Variants in NFX1 observed in about 807,000 individuals in gnomAD.
The protein encoded by NFX1 is nuclear transcription factor, X-box binding 1, also known as transcriptional repressor NF-X1.
A neutral mutation model predicts 137.2 loss-of-function variants in NFX1; 69 were observed. The observed-to-expected ratio is 0.50, with a 90% confidence interval of 0.41 to 0.61. NFX1 has a LOEUF of 0.61. Among genes scored for constraint, NFX1 ranks in the 20% least tolerant of loss-of-function variants. The pLI, the probability that NFX1 is intolerant of heterozygous loss-of-function variation, is 0.00. For missense variants in NFX1, 1,167 were observed against 1,391.0 expected (o/e 0.84, Z 2.56); for synonymous variants, 495 against 474.1 (o/e 1.04, Z -0.57).
chr9:33,298,596 A>C (rs1821441881), intron 2 of NFX1, among the ~76,000 whole-genome samples: 1 of 152,178 alleles, frequency 6.6e-6, no homozygotes, highest in Non-Finnish European at 1.5e-5. Flanking sequence ...TGGACAACTT[A>C]ATGAGACCCC....
rs373353689 is a variant in NFX1 at position 33,290,590 on chromosome 9, T to G, written c.18T>G (p.Pro6=). The G allele has an allele frequency of 6.2e-7, 1 of 1,613,864 alleles. No individual in the cohort carries two copies. The highest frequency in any genetic ancestry group is 8.5e-7 in the Non-Finnish European group (1 of 1,179,928). MAEAP[P]VSGTFKFNTD... ...GGCACGGGATGGCGGAGGCGCCTCC[T>G]GTCTCAGGTATTGTCCCGGCCCGAG... Residue 6 remains proline (P), a synonymous_variant, in exon 1 of 24, where the codon CCT becomes CCG. Transcript: ENST00000379540.
chr9:33,310,417 A>G (rs1821920877), intron 5 of NFX1, among the ~76,000 whole-genome samples: 1 of 152,206 alleles, frequency 6.6e-6, no homozygotes, highest in Non-Finnish European at 1.5e-5. Flanking sequence ...AGAGGGCAGT[A>G]TATATTTGAA....
At chr9:33,333,130 G>A (rs1822873123) in intron 11 of NFX1, among the ~76,000 whole-genome samples, 1 of 151,810 alleles carries the variant, frequency 6.6e-6, no homozygotes, top group Admixed American at 6.5e-5. Flanking sequence ...ACAGGCATGA[G>A]TCACCACACC....
At chr9:33,341,044 C>T (rs1489679182) in intron 12 of NFX1, among the ~76,000 whole-genome samples, 1 of 152,236 alleles carries the variant, frequency 6.6e-6, no homozygotes, top group African/African-American at 2.4e-5. Flanking sequence ...TCCAAAGTCA[C>T]TTCCACATTT....
chr9:33,291,213 C>G (rs1821148912), intron 1 of NFX1, among the ~76,000 whole-genome samples: 2 of 152,216 alleles, frequency 1.3e-5, no homozygotes, highest in South Asian at 4.1e-4. Flanking sequence ...ATATAACATC[C>G]ATTTCCTCAG....
At chr9:33,319,965 C>CT (rs796293415) in intron 9 of NFX1, among the ~76,000 whole-genome samples, 2,223 of 140,174 alleles carry the variant, frequency 0.016, 39 homozygotes, top group African/African-American at 0.042. Flanking sequence ...CTTTTCTTTT[C>CT]TTTTTTTTTT....
chr9:33,325,398 T>G (rs1201200929), intron 9 of NFX1, among the ~76,000 whole-genome samples: 1 of 135,682 alleles, frequency 7.4e-6, no homozygotes, highest in Non-Finnish European at 1.6e-5. Context: ...GCGCGGTGGC[T>G]CACGCCTGTA....
At chr9:33,317,973 C>CAA (rs5897542) in intron 7 of NFX1, among the ~76,000 whole-genome samples, 5,705 of 44,256 alleles carry the variant, frequency 0.13, 1,673 homozygotes, top group African/African-American at 0.23. Context: ...GACTCTGTCT[C>CAA]AAAAAAAAAA....
intron 10 of NFX1, among the ~76,000 whole-genome samples, chr9:33,330,167 G>C (rs1230567946): frequency 6.6e-6 from 1 of 152,180 alleles, no homozygotes; most frequent in South Asian, 2.1e-4. Context: ...AACACACTGA[G>C]TGTTGATTTA....
At chr9:33,368,808 G>C (rs1231230804) in intron 23 of NFX1, among the ~76,000 whole-genome samples, 1 of 152,150 alleles carries the variant, frequency 6.6e-6, no homozygotes, top group Non-Finnish European at 1.5e-5. Context: ...TGTTCCTGTG[G>C]GACTGGACAA....
chr9:33,304,488 A>G (rs1260489082), intron 4 of NFX1, among the ~76,000 whole-genome samples: 2 of 152,190 alleles, frequency 1.3e-5, no homozygotes, highest in African/African-American at 4.8e-5. Flanking sequence ...TTACTTAGCT[A>G]GCAGCTTTCA....
intron 11 of NFX1, among the ~76,000 whole-genome samples, chr9:33,337,722 C>G (rs551932825): frequency 3.1e-4 from 40 of 128,212 alleles, no homozygotes; most frequent in African/African-American, 9.0e-4. Context: ...GAAAGAGACC[C>G]TGTCTCTTTA....
At position 33,354,187 on chromosome 9, in the gene NFX1, G is replaced by C; in HGVS notation, c.2831G>C (p.Arg944Thr). 1.2e-6 allele frequency: 2 copies of C among 1,609,962 alleles called. No homozygotes were observed. Among genetic ancestry groups the C allele is most frequent in the South Asian group, 1.1e-5 (1 of 90,132 alleles). The change falls in exon 18 of 24, where the codon AGG becomes ACG. Residue 944 changes from arginine (R) to threonine (T), a missense_variant and splice_region_variant. Arg to Thr is a moderately conservative substitution (Grantham distance 71). Coordinates refer to ENST00000379540, the MANE Select transcript of NFX1 (RefSeq NM_002504.6). ...ACCAAAAAGGAAGTTCATCAAGCCAGGTAATTTTTAAAATGCATATATGTG... is the reference window on the plus strand; with the variant it reads ...ACCAAAAAGGAAGTTCATCAAGCCACGTAATTTTTAAAATGCATATATGTG... Reference protein sequence around the residue: ...LITKKEVHQARLECDEECSAL... With the variant: ...LITKKEVHQATLECDEECSAL...
rs761041774 is a variant in NFX1, at chr9:33,295,194, A to G, written c.800A>G (p.His267Arg). The change falls in exon 2 of 24, where the codon CAC (histidine) becomes CGC (arginine). Residue 267 changes from histidine to arginine, a missense_variant. By Grantham distance (29) the His-to-Arg change is conservative. Coordinates refer to ENST00000379540, the MANE Select transcript of NFX1 (RefSeq NM_002504.6). Reference protein sequence around the residue: ...PGRNPPKQEGHRHTNAGHRNN... With the variant: ...PGRNPPKQEGRRHTNAGHRNN... ...AGAAATCCACCAAAACAGGAGGGCC[A>G]CCGACATACAAACGCAGGACACAGA... is the stretch of plus-strand genomic sequence containing the variant. The G allele has an allele frequency of 5.6e-6, 9 of 1,614,076 alleles. No homozygotes were observed. The highest frequency in any genetic ancestry group is 7.6e-6 in the Non-Finnish European group (9 of 1,180,036).
intron 11 of NFX1, among the ~76,000 whole-genome samples, chr9:33,336,807 A>G (rs1278848347): frequency 6.6e-6 from 1 of 152,120 alleles, no homozygotes; most frequent in East Asian, 1.9e-4. Flanking sequence ...TTAATTTTTA[A>G]AAGTTTTTCC....
intron 23 of NFX1, among the ~76,000 whole-genome samples, chr9:33,368,245 A>C (rs765744061): frequency 6.6e-6 from 1 of 152,116 alleles, no homozygotes; most frequent in Non-Finnish European, 1.5e-5. Flanking sequence ...TCAAAAAAAA[A>C]AGAATAGTTA....
At chr9:33,328,252 T>G (rs1490548400) in intron 9 of NFX1, among the ~76,000 whole-genome samples, 2 of 151,742 alleles carry the variant, frequency 1.3e-5, no homozygotes, top group Non-Finnish European at 2.9e-5. Flanking sequence ...CTCGAGCTCC[T>G]GGGGTCAAGC....
At chr9:33,307,837 AC>A (rs1475723248) in intron 5 of NFX1, among the ~76,000 whole-genome samples, 1 of 120,710 alleles carries the variant, frequency 8.3e-6, no homozygotes, top group Non-Finnish European at 1.6e-5. Flanking sequence ...TCGCTTTGTC[AC>A]CCAGGCTGGA....
At chr9:33,340,974 A>G (rs1054463554) in intron 12 of NFX1, among the ~76,000 whole-genome samples, 1 of 152,222 alleles carries the variant, frequency 6.6e-6, no homozygotes, top group Non-Finnish European at 1.5e-5. Flanking sequence ...AAACTTTCCC[A>G]CATTCTCCTG....
Sources: allele counts gnomAD v4.1 joint callset (sites outside exome capture counted in the v4.1 genomes callset), GRCh38; gene constraint gnomAD v4.1.1; transcripts MANE v1.5; gene names NCBI Gene and HGNC (gene_info 2026-07-23, HGNC 2026-07-21).